The following DLGAP1 variants were observed in gnomAD, a reference collection of about 807,000 sequenced individuals.
The protein encoded by DLGAP1 is DLG associated protein 1, also known as disks large-associated protein 1.
In DLGAP1, 11 loss-of-function variants were observed where a neutral mutation model predicts 90.8. The ratio of observed to expected loss-of-function variants is 0.12; its 90% confidence interval spans 0.08 to 0.20. The LOEUF (loss-of-function observed/expected upper bound fraction) is 0.20. Among genes scored for constraint, DLGAP1 ranks in the 10% least tolerant of loss-of-function variants. The pLI is 1.00. For synonymous variants in DLGAP1, 558 were observed against 540.7 expected, an observed-to-expected ratio of 1.03 and a Z score of -0.44; for missense variants, 1,050 against 1,333.8, an observed-to-expected ratio of 0.79 and a Z score of 3.31.
intron 7 of DLGAP1, among the ~76,000 whole-genome samples, chr18:3,590,825 G>C (rs577439345): frequency 6.6e-6 from 1 of 151,976 alleles, no homozygotes; most frequent in East Asian, 1.9e-4. Flanking sequence ...AGTGAGCCGA[G>C]ACGGTGCCAT....
intron 9 of DLGAP1, among the ~76,000 whole-genome samples, chr18:3,544,457 G>A (rs1489753707): frequency 1.3e-5 from 2 of 152,048 alleles, no homozygotes; most frequent in African/African-American, 4.8e-5. Context: ...CTATAAGAAA[G>A]GTTTAAAATA....
At chr18:4,151,957 C>T (rs1050549369) in intron 1 of DLGAP1, among the ~76,000 whole-genome samples, 1 of 152,046 alleles carries the variant, frequency 6.6e-6, no homozygotes, top group African/African-American at 2.4e-5. Flanking sequence ...GTACATGTAT[C>T]CCAGAACTTA....
chr18:3,700,537 T>A (rs2147116501), intron 7 of DLGAP1, among the ~76,000 whole-genome samples: 1 of 152,340 alleles, frequency 6.6e-6, no homozygotes, highest in East Asian at 1.9e-4. Flanking sequence ...TTGATCTCAC[T>A]GGGAGCTGCA....
At chr18:3,549,849 TAGTATCTTAGTATGTGAC>T (rs1412363874) in intron 9 of DLGAP1, among the ~76,000 whole-genome samples, 8 of 152,196 alleles carry the variant, frequency 5.3e-5, no homozygotes, top group Non-Finnish European at 1.2e-4. Flanking sequence ...TCCTAACACC[TAGTATCTTAGTATGTGAC>T]TGTATTTGGA....
At position 3,674,294 on chromosome 18, in the gene DLGAP1, A is replaced by ATATATATATATAT. The variant is rs1555623961; in HGVS notation, c.1591+54840_1591+54841insATATATATATATA. 8.3e-3 allele frequency among the ~76,000 whole-genome samples: 351 copies of ATATATATATATAT among 42,266 alleles called. 6 individuals carry two copies. The highest frequency in any genetic ancestry group is 0.022 in the African/African-American group (329 of 14,744). The allele number at this position is 42,266 out of a possible 152,430, so 27.7% of individuals were successfully genotyped here. ...AGTGAGATCTTGTCTCTATAATATT[A>ATATATATATATAT]AAATATATATATATATATGTATATT... On this transcript the variant is annotated intron_variant, in intron 7 of 12. Coordinates refer to ENST00000315677, the MANE Select transcript of DLGAP1 (RefSeq NM_004746.4).
chr18:4,385,500 T>G (rs944122551), intron 1 of DLGAP1, among the ~76,000 whole-genome samples: 1 of 152,122 alleles, frequency 6.6e-6, no homozygotes, highest in Non-Finnish European at 1.5e-5. Flanking sequence ...CAGAAAACTC[T>G]GTTGTTGATC....
At chr18:3,941,753 C>T (rs1030214422) in intron 3 of DLGAP1, among the ~76,000 whole-genome samples, 11 of 152,176 alleles carry the variant, frequency 7.2e-5, no homozygotes, top group Admixed American at 2.0e-4. Context: ...TGCCTTGTCA[C>T]TCAGGGTGGA....
At chr18:3,972,617 C>T (rs185310621) in intron 3 of DLGAP1, among the ~76,000 whole-genome samples, 1 of 152,208 alleles carries the variant, frequency 6.6e-6, no homozygotes, top group East Asian at 1.9e-4. Context: ...TAGATTCAGT[C>T]CCTGGCATCC....
chr18:3,970,840 G>T lies in DLGAP1; in HGVS notation c.-73+34276C>A, dbSNP rs566933640. ...TGAAATCCACTTTAATATCAACTGG[G>T]ATTCAAGAATAAAATATAAGCCCCT... is the stretch of plus-strand genomic sequence containing the variant. On this transcript the variant is annotated intron_variant, in intron 3 of 12. Transcript: ENST00000315677. 3.9e-5 allele frequency among the ~76,000 whole-genome samples: 6 copies of T among 152,244 alleles called. No homozygotes were observed. In the East Asian group the frequency reaches 1.2e-3, roughly 29 times the overall value.
At chr18:3,566,255 T>C (rs1384111756) in intron 9 of DLGAP1, among the ~76,000 whole-genome samples, 3 of 152,152 alleles carry the variant, frequency 2.0e-5, no homozygotes, top group African/African-American at 7.2e-5. Flanking sequence ...GATAGATGTG[T>C]AACTATTGCT....
chr18:3,688,029 C>T (rs1012962293), intron 7 of DLGAP1, among the ~76,000 whole-genome samples: 1 of 151,764 alleles, frequency 6.6e-6, no homozygotes, highest in Non-Finnish European at 1.5e-5. Flanking sequence ...GCCTCAGCCT[C>T]CCGAGTAGCT....
intron 1 of DLGAP1, among the ~76,000 whole-genome samples, chr18:4,160,895 A>C (rs2076833174): frequency 6.6e-6 from 1 of 152,106 alleles, no homozygotes. Context: ...ACAGATACCA[A>C]AATTGAGGCA....
chr18:3,839,328 G>T (rs184910111), intron 4 of DLGAP1, among the ~76,000 whole-genome samples: 6 of 152,184 alleles, frequency 3.9e-5, no homozygotes, highest in Admixed American at 6.5e-5. Context: ...GGGGTCTACT[G>T]TCTATTGGGG....
At chr18:4,312,909 T>A (rs2080436289) in intron 1 of DLGAP1, among the ~76,000 whole-genome samples, 1 of 152,202 alleles carries the variant, frequency 6.6e-6, no homozygotes, top group East Asian at 1.9e-4. Flanking sequence ...TCTATGGTAA[T>A]ATTTTAGTGT....
chr18:3,697,765 T>C (rs750248300), intron 7 of DLGAP1, among the ~76,000 whole-genome samples: 7 of 152,136 alleles, frequency 4.6e-5, no homozygotes, highest in Non-Finnish European at 8.8e-5. Context: ...CATTGATCTG[T>C]CTAATATTGA....
At chr18:3,580,724 G>A (rs1405609140) in intron 8 of DLGAP1, 7 of 1,613,846 alleles carry the variant, frequency 4.3e-6, no homozygotes, top group African/African-American at 4.0e-5. Context: ...GGCCTCTCAG[G>A]ACCAGGACAG....
At chr18:4,082,339 C>CT (rs2075620794) in intron 2 of DLGAP1, among the ~76,000 whole-genome samples, 2 of 55,048 alleles carry the variant, frequency 3.6e-5, no homozygotes, top group South Asian at 5.0e-4. Context: ...AAGACTCCAT[C>CT]TCAAAAAAAA....
intron 3 of DLGAP1, among the ~76,000 whole-genome samples, chr18:3,952,534 A>G (rs554106491): frequency 6.6e-6 from 1 of 152,352 alleles, no homozygotes; most frequent in South Asian, 2.1e-4. Context: ...GATCATGGCC[A>G]CAAACCTGTA....
At chr18:3,930,932 G>T (rs1465502412) in intron 3 of DLGAP1, among the ~76,000 whole-genome samples, 1 of 152,156 alleles carries the variant, frequency 6.6e-6, no homozygotes, top group African/African-American at 2.4e-5. Flanking sequence ...GCAAAAGCTG[G>T]TTTAAAATGG....
Sources: allele counts gnomAD v4.1 joint callset (sites outside exome capture counted in the v4.1 genomes callset), GRCh38; gene constraint gnomAD v4.1.1; transcripts MANE v1.5; gene names NCBI Gene and HGNC (gene_info 2026-07-23, HGNC 2026-07-21).